Variants in NEB observed in about 807,000 individuals in gnomAD.
NEB encodes nebulin.
In NEB, 512 loss-of-function variants were observed where a neutral mutation model predicts 952.2. The ratio of observed to expected loss-of-function variants is 0.54; its 90% confidence interval spans 0.50 to 0.58. The LOEUF is 0.58. Ranked by LOEUF, NEB falls within the 20% of genes least tolerant of loss-of-function variation. The probability of loss-of-function intolerance (pLI) is 0.00; values close to 1 mark genes in which losing one functional copy is unlikely to be tolerated. For missense variants in NEB, 8,428 were observed against 9,231.1 expected, an observed-to-expected ratio of 0.91 and a Z score of 3.56; for synonymous variants, 2,900 against 3,149.8, an observed-to-expected ratio of 0.92 and a Z score of 2.66.
chr2:151,524,654 C>CTCTTT, intron 151 of NEB, 38 bp from the exon 152 acceptor site: 1 of 255,202 alleles, frequency 3.9e-6, no homozygotes. Flanking sequence ...AAGAGAGAGG[C>CTCTTT]TTTTTTTTTT....
At chr2:151,680,692 T>C in intron 30 of NEB, 38 bp downstream of exon 30, 2 of 1,363,764 alleles carry the variant, frequency 1.5e-6, no homozygotes, top group Non-Finnish European at 2.1e-6. Flanking sequence ...TTTGTATTAG[T>C]TAACATCTAT....
At chr2:151,570,745 T>G in intron 107 of NEB, 144 bp from the exon 108 acceptor site, 1 of 706,390 alleles carries the variant, frequency 1.4e-6, no homozygotes, top group Non-Finnish European at 2.5e-6. Flanking sequence ...ATGAGAATCA[T>G]TCTATGCACC....
intron 142 of NEB, chr2:151,534,443 C>G: frequency 1.3e-6 from 1 of 749,426 alleles, no homozygotes; most frequent in Non-Finnish European, 2.3e-6. Context: ...CCAACATACC[C>G]AAGACAATAA....
At chr2:151,494,367 C>T in intron 173 of NEB, 114 bp from the exon 174 acceptor site, 1 of 717,222 alleles carries the variant, frequency 1.4e-6, no homozygotes, top group East Asian at 2.7e-5. Flanking sequence ...ACCATTTGGG[C>T]AATTAGGTTA....
At chr2:151,626,445 C>A (rs72863267) in intron 70 of NEB, among the ~76,000 whole-genome samples, 7 of 151,920 alleles carry the variant, frequency 4.6e-5, no homozygotes, top group Non-Finnish European at 1.0e-4. Context: ...CTGTGCTTAC[C>A]TAAATAAGTA....
chr2:151,639,067 A>C (rs1574753248), intron 63 of NEB, among the ~76,000 whole-genome samples: 1 of 152,230 alleles, frequency 6.6e-6, no homozygotes, highest in Admixed American at 6.5e-5. Context: ...TTACAGCTTA[A>C]ATAATTAGTT....
At chr2:151,641,968 C>T (rs570017063) in intron 60 of NEB, among the ~76,000 whole-genome samples, 22 of 152,174 alleles carry the variant, frequency 1.4e-4, no homozygotes, top group Non-Finnish European at 2.9e-4. Context: ...CCTCCCTCCC[C>T]CCATCCTATG....
At chr2:151,545,409 C>T (rs1400462147) in intron 135 of NEB, among the ~76,000 whole-genome samples, 1 of 151,768 alleles carries the variant, frequency 6.6e-6, no homozygotes, top group Non-Finnish European at 1.5e-5. Flanking sequence ...AACCCCATCA[C>T]TACTAAAAAT....
intron 39 of NEB, 40 bp from the exon 40 acceptor site, chr2:151,667,951 TA>T (rs1200655446): frequency 2.0e-6 from 3 of 1,510,812 alleles, no homozygotes; most frequent in South Asian, 2.4e-5. Flanking sequence ...TTGACATCAT[TA>T]AAAGAGGAAT....
chr2:151,559,727 G>C (rs1392228470), intron 124 of NEB, among the ~76,000 whole-genome samples: 1 of 152,152 alleles, frequency 6.6e-6, no homozygotes, highest in African/African-American at 2.4e-5. Context: ...ACTCGTAAGT[G>C]GGGGTTGAAC....
At chr2:151,640,744 T>C in intron 60 of NEB, 78 bp from the exon 61 acceptor site, 2 of 1,429,538 alleles carry the variant, frequency 1.4e-6, no homozygotes, top group South Asian at 3.0e-5. Flanking sequence ...CTTGCTCTAT[T>C]TATTAAAAAA....
chr2:151,697,091 C>A, intron 16 of NEB, 57 bp downstream of exon 16: 1 of 1,311,116 alleles, frequency 7.6e-7, no homozygotes, highest in Non-Finnish European at 1.1e-6. Flanking sequence ...TAAACATATC[C>A]TGACCACTAG....
intron 30 of NEB, among the ~76,000 whole-genome samples, 172 bp from the exon 31 acceptor site, chr2:151,680,194 T>G (rs976119913): frequency 3.3e-5 from 5 of 152,240 alleles, no homozygotes; most frequent in African/African-American, 1.2e-4. Context: ...AGGTCACACA[T>G]GCAGTTGCTT....
chr2:151,534,093 A>G, intron 142 of NEB: 1 of 741,712 alleles, frequency 1.3e-6, no homozygotes, highest in Non-Finnish European at 2.2e-6. Flanking sequence ...AGATACTTTG[A>G]AACAGAACAA....
At chr2:151,634,228 A>C (rs1195380512) in intron 64 of NEB, among the ~76,000 whole-genome samples, 1 of 152,218 alleles carries the variant, frequency 6.6e-6, no homozygotes, top group Non-Finnish European at 1.5e-5. Flanking sequence ...ATATGTGGGG[A>C]AAAGGTCACC....
Position 151,677,947 on chromosome 2 carries a change from G to A in NEB, c.3496C>T (p.His1166Tyr). ...GCGTCAGGCAAGTAGGTGTAATGATGGAGAGAATGCTTATAGTTGACATTG... is the reference window on the plus strand; with the variant it reads ...GCGTCAGGCAAGTAGGTGTAATGATAGAGAGAATGCTTATAGTTGACATTG... ...VSNVNYKHSL[H>Y]HYTYLPDAMD... is the part of the protein sequence containing the mutation. The change falls in exon 33 of 182, where the codon CAT (histidine) becomes TAT (tyrosine). Residue 1166 changes from histidine (H) to tyrosine (Y), a missense_variant. His to Tyr is a moderately conservative substitution (Grantham distance 83). Around this residue, in one of 11 missense-constraint regions of NEB, gnomAD observed 2,851 missense variants for 2,791.5 expected, o/e 1.02. Transcript: ENST00000397345. 1 of 1,613,934 alleles carries A rather than the reference G, an allele frequency of 6.2e-7. No individual in the cohort carries two copies. Among genetic ancestry groups the A allele is most frequent in the Non-Finnish European group, 8.5e-7 (1 of 1,179,862 alleles).
At chr2:151,729,381 AG>A (rs1210032013) in intron 4 of NEB, among the ~76,000 whole-genome samples, 3 of 152,202 alleles carry the variant, frequency 2.0e-5, no homozygotes, top group Non-Finnish European at 4.4e-5. Flanking sequence ...CAGAAGAAAT[AG>A]GGGGAACCAC....
In NEB at chr2:151,619,477, G is replaced by A. The variant is rs573036942; in HGVS notation, c.10846C>T (p.Arg3616Trp). The change falls in exon 73 of 182, where the codon CGG (arginine) becomes TGG (tryptophan). Residue 3616 changes from arginine (R) to tryptophan (W), a missense_variant. This residue lies in a region of NEB where 1,772 missense variants were observed against 1,960.3 expected (regional missense o/e 0.90). Transcript: ENST00000397345. ...LPDQNDIIHA[R>W]KAYDLQSDNL... ...TCACTCTGGAGGTCATAGGCTTTCC[G>A]TGCATGAATGATGTCATTCTGGTCG... is the stretch of plus-strand genomic sequence containing the variant. The A allele has an allele frequency of 9.3e-6, 15 of 1,610,206 alleles. No homozygotes were observed. Among genetic ancestry groups the A allele is most frequent in the East Asian group, 2.2e-5 (1 of 44,808 alleles).
intron 160 of NEB, among the ~76,000 whole-genome samples, chr2:151,513,068 G>C (rs2075649908): frequency 6.6e-6 from 1 of 152,188 alleles, no homozygotes; most frequent in African/African-American, 2.4e-5. Flanking sequence ...TGCAGGATGG[G>C]ATATGGGTAA....
Sources: gnomAD v4.1 joint callset for allele counts (sites outside exome capture counted in the v4.1 genomes callset) on GRCh38, gnomAD v4.1.1 for gene constraint, gnomAD v4.1.1 regional missense constraint, MANE v1.5 for transcripts, NCBI Gene and HGNC (gene_info 2026-07-23, HGNC 2026-07-21) for gene names.